CRPPA: variants seen among roughly 807,000 people sequenced by gnomAD.
CRPPA encodes D-ribitol-5-phosphate cytidylyltransferase.
CRPPA carries 43 observed loss-of-function variants against 52.0 expected under a neutral mutation model. That is an observed-to-expected ratio of 0.83 (90% CI 0.65 to 1.07). CRPPA has a LOEUF of 1.07. Among genes scored for constraint, CRPPA ranks in the 50% least tolerant of loss-of-function variants. The pLI is 0.00. For missense variants in CRPPA, 629 were observed against 551.7 expected (o/e 1.14, Z -1.40); for synonymous variants, 250 against 203.5 (o/e 1.23, Z -1.94).
intron 3 of CRPPA, among the ~76,000 whole-genome samples, chr7:16,352,154 G>A (rs6974125): frequency 0.81 from 123,127 of 151,856 alleles, 50,090 homozygotes; most frequent in Non-Finnish European, 0.84. Context: ...TCAGCAAACT[G>A]ACACAGGAAT....
intron 3 of CRPPA, among the ~76,000 whole-genome samples, chr7:16,331,039 G>A (rs753918530): frequency 7.2e-5 from 11 of 152,030 alleles, no homozygotes; most frequent in South Asian, 2.1e-4. Context: ...TCGCTCTGAC[G>A]CCCAGGCTGG....
chr7:16,271,263 G>A (rs10247201), intron 6 of CRPPA, among the ~76,000 whole-genome samples: 15,441 of 152,024 alleles, frequency 0.1, 1,109 homozygotes, highest in African/African-American at 0.19. Flanking sequence ...GGTTGAACAC[G>A]CTTATATGCA....
chr7:16,097,670 C>A (rs185747818), intron 9 of CRPPA, among the ~76,000 whole-genome samples: 23 of 152,258 alleles, frequency 1.5e-4, no homozygotes, highest in Non-Finnish European at 2.4e-4. Flanking sequence ...TGACTATATC[C>A]AGCATCAAGT....
intron 9 of CRPPA, among the ~76,000 whole-genome samples, chr7:16,092,878 A>T (rs1222083397): frequency 6.6e-6 from 1 of 152,136 alleles, no homozygotes; most frequent in Admixed American, 6.5e-5. Flanking sequence ...ACTGCTTAAG[A>T]TTGTCCAAAC....
intron 3 of CRPPA, among the ~76,000 whole-genome samples, chr7:16,341,850 T>C (rs560679348): frequency 5.8e-4 from 89 of 152,296 alleles, no homozygotes; most frequent in Admixed American, 1.9e-3. Flanking sequence ...AATTAGCTTT[T>C]CCACTATTTC....
chr7:16,334,795 T>C (rs1352498225), intron 3 of CRPPA, among the ~76,000 whole-genome samples: 1 of 152,140 alleles, frequency 6.6e-6, no homozygotes, highest in Non-Finnish European at 1.5e-5. Flanking sequence ...TCTCCTGTGT[T>C]GTCATCAGTG....
intron 6 of CRPPA, among the ~76,000 whole-genome samples, chr7:16,263,631 TA>T (rs1783872235): frequency 6.6e-6 from 1 of 152,120 alleles, no homozygotes; most frequent in African/African-American, 2.4e-5. Flanking sequence ...TGGACACCTG[TA>T]ATCCCAGCTA....
chr7:16,136,856 G>A (rs1271114507), intron 9 of CRPPA, among the ~76,000 whole-genome samples: 2 of 151,722 alleles, frequency 1.3e-5, no homozygotes, highest in Non-Finnish European at 2.9e-5. Flanking sequence ...TAAAATTTAT[G>A]TCTAGATTAT....
chr7:16,299,130 A>G (rs1784735713), intron 5 of CRPPA, among the ~76,000 whole-genome samples: 1 of 152,196 alleles, frequency 6.6e-6, no homozygotes, highest in Non-Finnish European at 1.5e-5. Context: ...TACACTAGGA[A>G]AATGCCTACA....
intron 6 of CRPPA, among the ~76,000 whole-genome samples, chr7:16,265,479 G>C (rs1237145714): frequency 1.3e-5 from 2 of 152,100 alleles, no homozygotes; most frequent in Non-Finnish European, 2.9e-5. Context: ...TAGTGCAGTG[G>C]ACACTGCCTC....
At chr7:16,338,316 A>G (rs1785738132) in intron 3 of CRPPA, among the ~76,000 whole-genome samples, 1 of 152,234 alleles carries the variant, frequency 6.6e-6, no homozygotes, top group South Asian at 2.1e-4. Flanking sequence ...ACATGCAGAA[A>G]AAATATTTGA....
intron 9 of CRPPA, among the ~76,000 whole-genome samples, chr7:16,203,989 A>T (rs1306579112): frequency 1.3e-5 from 2 of 152,172 alleles, no homozygotes; most frequent in Non-Finnish European, 2.9e-5. Context: ...ACTATATTCA[A>T]AATTTTAAGG....
chr7:16,126,998 G>A (rs1268789955), intron 9 of CRPPA, among the ~76,000 whole-genome samples: 1 of 152,132 alleles, frequency 6.6e-6, no homozygotes, highest in Non-Finnish European at 1.5e-5. Context: ...AGTGAATACT[G>A]TGTTAAGTAA....
intron 9 of CRPPA, among the ~76,000 whole-genome samples, chr7:16,162,282 T>C (rs773819907): frequency 6.6e-6 from 1 of 152,230 alleles, no homozygotes; most frequent in Non-Finnish European, 1.5e-5. Context: ...GTGTCAATTT[T>C]AGATCTTTCC....
intron 2 of CRPPA, among the ~76,000 whole-genome samples, chr7:16,387,048 TA>T (rs1562671319): frequency 9.2e-5 from 1 of 10,864 alleles, no homozygotes; most frequent in Non-Finnish European, 2.6e-4. Flanking sequence ...AAAAAAGATA[TA>T]TATATATATA....
At chr7:16,321,711 A>G (rs932604363) in intron 3 of CRPPA, among the ~76,000 whole-genome samples, 6 of 152,190 alleles carry the variant, frequency 3.9e-5, no homozygotes, top group African/African-American at 1.4e-4. Context: ...GGAGGAACCA[A>G]TTGGATTTAA....
intron 9 of CRPPA, among the ~76,000 whole-genome samples, chr7:16,194,201 G>C (rs1781677156): frequency 6.6e-6 from 1 of 152,046 alleles, no homozygotes; most frequent in South Asian, 2.1e-4. Context: ...TCCATATTGT[G>C]GGCAGGGGAG....
intron 9 of CRPPA, among the ~76,000 whole-genome samples, chr7:16,106,955 C>A (rs368904439): frequency 4.0e-5 from 6 of 151,828 alleles, no homozygotes; most frequent in East Asian, 3.9e-4. Context: ...AGATAAAAAT[C>A]CTAGAAATAA....
At chr7:16,278,814 A>C (rs1380059229) in intron 5 of CRPPA, among the ~76,000 whole-genome samples, 1 of 152,196 alleles carries the variant, frequency 6.6e-6, no homozygotes, top group Non-Finnish European at 1.5e-5. Flanking sequence ...AAATTTATAA[A>C]CTATGTAACA....
Sources: allele counts gnomAD v4.1 joint callset (sites outside exome capture counted in the v4.1 genomes callset), GRCh38; gene constraint gnomAD v4.1.1; transcripts MANE v1.5; gene names NCBI Gene and HGNC (gene_info 2026-07-23, HGNC 2026-07-21).